The following ADCY2 variants were observed in gnomAD, a reference collection of about 807,000 sequenced individuals.
ADCY2 encodes the protein adenylate cyclase type 2.
A neutral mutation model predicts 125.2 loss-of-function variants in ADCY2; 31 were observed. The observed-to-expected ratio is 0.25, with a 90% CI of 0.19 to 0.33. ADCY2 has a LOEUF of 0.33. Ranked by LOEUF, ADCY2 falls within the 10% of genes least tolerant of loss-of-function variation. The pLI is 1.00. For synonymous variants in ADCY2, 512 were observed against 548.4 expected, an observed-to-expected ratio of 0.93 and a Z score of 0.93; for missense variants, 904 against 1,418.2, an observed-to-expected ratio of 0.64 and a Z score of 5.82.
intron 2 of ADCY2, among the ~76,000 whole-genome samples, chr5:7,426,541 C>T (rs1305559121): frequency 6.6e-6 from 1 of 152,270 alleles, no homozygotes; most frequent in Non-Finnish European, 1.5e-5. Flanking sequence ...TTGTCAGGTC[C>T]TAATCACCTC....
intron 2 of ADCY2, among the ~76,000 whole-genome samples, chr5:7,468,770 T>C (rs899448320): frequency 1.3e-5 from 2 of 152,142 alleles, no homozygotes; most frequent in Non-Finnish European, 2.9e-5. Flanking sequence ...TTCTATTACT[T>C]TGTGACTTCA....
In ADCY2 at chr5:7,437,272, A is replaced by G. The variant is rs538572797; in HGVS notation, c.408+22502A>G. 5.9e-5 allele frequency among the ~76,000 whole-genome samples: 9 copies of G among 152,280 alleles called. No homozygotes were observed. In the South Asian group the frequency reaches 1.9e-3, roughly 32 times the overall value. On this transcript the variant is annotated intron_variant, in intron 2 of 24. Transcript: ENST00000338316. ...AGCTACTACAGAGCTATGTAAAATGATGGTATTGGCTTTGCAAACCCAACT... is the reference window on the plus strand; with the variant it reads ...AGCTACTACAGAGCTATGTAAAATGGTGGTATTGGCTTTGCAAACCCAACT...
chr5:7,467,976 A>C (rs1742186915), intron 2 of ADCY2, among the ~76,000 whole-genome samples: 1 of 152,228 alleles, frequency 6.6e-6, no homozygotes, highest in Non-Finnish European at 1.5e-5. Flanking sequence ...TGGTTTATAA[A>C]CCATAATTCC....
At chr5:7,733,756 G>A (rs894833865) in intron 14 of ADCY2, among the ~76,000 whole-genome samples, 3 of 152,150 alleles carry the variant, frequency 2.0e-5, no homozygotes, top group Non-Finnish European at 2.9e-5. Flanking sequence ...AGAAGACTCT[G>A]TACTTTCTGG....
At chr5:7,508,350 A>G (rs1450892327) in intron 2 of ADCY2, among the ~76,000 whole-genome samples, 2 of 152,166 alleles carry the variant, frequency 1.3e-5, no homozygotes, top group Non-Finnish European at 2.9e-5. Flanking sequence ...AATTTATTTC[A>G]TATTTCACAC....
chr5:7,431,733 A>C (rs1271473295), intron 2 of ADCY2, among the ~76,000 whole-genome samples: 1 of 152,200 alleles, frequency 6.6e-6, no homozygotes, highest in African/African-American at 2.4e-5. Context: ...CAACTTAATC[A>C]TAAGACAAAT....
At position 7,539,714 on chromosome 5, in the gene ADCY2, G is replaced by A. The variant is rs564566280; in HGVS notation, c.570+18815G>A. On this transcript the variant is annotated intron_variant, in intron 3 of 24. Transcript: ENST00000338316. ...GAAAGGAGACATTTTCAGACTGTGG[G>A]CCATCTAGTGTAGGTGGCTACTACT... Among the ~76,000 whole-genome samples, 3 of 152,304 alleles carry A rather than the reference G, an allele frequency of 2.0e-5. No individual in the cohort carries two copies. The East Asian group carries it at 5.8e-4, about 29-fold the overall frequency.
chr5:7,528,174 T>C (rs7714110), intron 3 of ADCY2, among the ~76,000 whole-genome samples: 10,263 of 152,192 alleles, frequency 0.067, 585 homozygotes, highest in South Asian at 0.15. Context: ...GTGCCTAAGG[T>C]GACTAAATCC....
chr5:7,443,639 C>CAAAA (rs56089574), intron 2 of ADCY2, among the ~76,000 whole-genome samples: 4 of 51,220 alleles, frequency 7.8e-5, no homozygotes, highest in African/African-American at 9.1e-5. Flanking sequence ...GACTCTGTCT[C>CAAAA]AAAAAAAAAA....
At chr5:7,403,937 TACACACACACACACACAC>T (rs370540720) in intron 1 of ADCY2, among the ~76,000 whole-genome samples, 1 of 140,452 alleles carries the variant, frequency 7.1e-6, no homozygotes, top group African/African-American at 2.6e-5. Flanking sequence ...CTTTCAATGC[TACACACACACACACACAC>T]ACACACACAC....
At chr5:7,638,728 C>A (rs1017347697) in intron 4 of ADCY2, among the ~76,000 whole-genome samples, 1 of 152,116 alleles carries the variant, frequency 6.6e-6, no homozygotes, top group Admixed American at 6.5e-5. Context: ...TTCCTAGGGT[C>A]GTCATCTTCC....
chr5:7,816,805 G>A (rs1745126408), intron 22 of ADCY2, 61 bp from the exon 23 acceptor site: 1 of 1,400,654 alleles, frequency 7.1e-7, no homozygotes, highest in South Asian at 1.2e-5. Flanking sequence ...TTGGGACAAA[G>A]GGGAACAGTT....
chr5:7,525,133 G>A (rs983884926), intron 3 of ADCY2, among the ~76,000 whole-genome samples: 2 of 152,054 alleles, frequency 1.3e-5, no homozygotes, highest in Non-Finnish European at 2.9e-5. Flanking sequence ...CTCCCAAGTC[G>A]CTGGGACTAC....
At chr5:7,456,958 GC>G (rs1741695300) in intron 2 of ADCY2, among the ~76,000 whole-genome samples, 1 of 152,138 alleles carries the variant, frequency 6.6e-6, no homozygotes, top group African/African-American at 2.4e-5. Flanking sequence ...AATGTGTGGG[GC>G]CAACACCAAT....
intron 3 of ADCY2, among the ~76,000 whole-genome samples, chr5:7,529,371 C>A (rs915737180): frequency 2.6e-5 from 4 of 152,138 alleles, no homozygotes; most frequent in Non-Finnish European, 5.9e-5. Context: ...ACAAGCTGGG[C>A]AGGCTGGGAG....
chr5:7,455,009 G>A (rs970445433), intron 2 of ADCY2, among the ~76,000 whole-genome samples: 3 of 152,134 alleles, frequency 2.0e-5, no homozygotes, highest in Non-Finnish European at 4.4e-5. Context: ...TTGCTAGTCC[G>A]AAAGAGTGTT....
At chr5:7,804,443 C>A (rs1744697765) in intron 21 of ADCY2, 142 bp from the exon 22 acceptor site, 1 of 700,386 alleles carries the variant, frequency 1.4e-6, no homozygotes, top group East Asian at 2.7e-5. Context: ...CCTGGAAAAG[C>A]CCAGGGCCCA....
chr5:7,651,553 A>G (rs923512876), intron 4 of ADCY2, among the ~76,000 whole-genome samples: 5 of 152,126 alleles, frequency 3.3e-5, no homozygotes, highest in Non-Finnish European at 5.9e-5. Context: ...TAGTCTTTCC[A>G]TGCTCTCCTG....
rs1379144883 is a variant in ADCY2 at position 7,520,672 on chromosome 5, GA to G, written c.409-63del. On this transcript the variant is annotated intron_variant, in intron 2 of 24. Coordinates refer to ENST00000338316, the MANE Select transcript of ADCY2 (RefSeq NM_020546.3). ...GTTCTATGCAGCCTTTAGTGGCATGGAAACAGGAGGCTCTTAGAAACCAGAA... is the reference window on the plus strand; with the variant it reads ...GTTCTATGCAGCCTTTAGTGGCATGGAACAGGAGGCTCTTAGAAACCAGAA... 1.9e-6 allele frequency: 3 copies of G among 1,577,666 alleles called. No individual in the cohort carries two copies. The East Asian group carries it at 6.7e-5, about 35-fold the overall frequency.
Sources: allele counts gnomAD v4.1 joint callset (sites outside exome capture counted in the v4.1 genomes callset), GRCh38; gene constraint gnomAD v4.1.1; transcripts MANE v1.5; gene names NCBI Gene and HGNC (gene_info 2026-07-23, HGNC 2026-07-21).